The following TMC5 variants were observed in gnomAD, a reference collection of about 807,000 sequenced individuals.
The protein encoded by TMC5 is transmembrane channel like 5.
A neutral mutation model predicts 110.5 loss-of-function variants in TMC5; 86 were observed. The ratio of observed to expected loss-of-function variants is 0.78; its 90% CI spans 0.65 to 0.93. The LOEUF is 0.93. Among genes scored for constraint, TMC5 ranks in the 40% least tolerant of loss-of-function variants. The probability of loss-of-function intolerance (pLI) is 0.00; values close to 1 mark genes in which losing one functional copy is unlikely to be tolerated. For missense variants in TMC5, 1,144 were observed against 1,222.8 expected, an observed-to-expected ratio of 0.94 and a Z score of 0.96; for synonymous variants, 455 against 439.5, an observed-to-expected ratio of 1.04 and a Z score of -0.44.
At chr16:19,446,158 A>C (rs1009657759) in intron 4 of TMC5, among the ~76,000 whole-genome samples, 2 of 151,680 alleles carry the variant, frequency 1.3e-5, no homozygotes, top group Non-Finnish European at 2.9e-5. Flanking sequence ...AGAAAAGAGA[A>C]TATTCCTTTG....
chr16:19,456,717 A>T, intron 5 of TMC5: 1 of 1,608,650 alleles, frequency 6.2e-7, no homozygotes, highest in Admixed American at 1.7e-5. Flanking sequence ...ATGCTGTCCG[A>T]TGACCACGTG....
At chr16:19,439,724 C>T (rs564221408) in intron 2 of TMC5, among the ~76,000 whole-genome samples, 136 of 152,294 alleles carry the variant, frequency 8.9e-4, no homozygotes, top group African/African-American at 3.2e-3. Flanking sequence ...GAGAAATAAC[C>T]TCTTTCCTCT....
rs777411820 is a variant in TMC5 at position 19,464,015 on chromosome 16, C to T, written c.1476C>T (p.Phe492=). 6.8e-6 allele frequency: 11 copies of T among 1,613,950 alleles called. No homozygotes were observed. The South Asian group carries it at 1.2e-4, about 18-fold the overall frequency. The change falls in exon 8 of 22, where the codon TTC becomes TTT. Residue 492 remains phenylalanine (F), a synonymous_variant. Transcript: ENST00000542583. ...TCCAGTTCACTGGGCTGGAGTTTTT[C>T]ACTGGGGTGGTAAGTCCTCCACTTC... ...NTLQFTGLEF[F]TGVGYFRDTV...
chr16:19,477,679 T>C (rs989255051), intron 13 of TMC5, among the ~76,000 whole-genome samples, 161 bp downstream of exon 13: 1 of 152,116 alleles, frequency 6.6e-6, no homozygotes, highest in Non-Finnish European at 1.5e-5. Flanking sequence ...GCAAAATGGG[T>C]CTCAACAAAA....
intron 2 of TMC5, among the ~76,000 whole-genome samples, chr16:19,434,280 A>ATC (rs1967276478): frequency 1.6e-5 from 2 of 123,146 alleles, no homozygotes; most frequent in African/African-American, 3.2e-5. Flanking sequence ...ATATAGATCT[A>ATC]TATATAATAT....
Position 19,477,420 on chromosome 16 carries a change from A to C in TMC5, c.2091-20A>C. The C allele has an allele frequency of 6.4e-7, 1 of 1,562,700 alleles. No homozygotes were observed. The highest frequency in any genetic ancestry group is 8.8e-7 in the Non-Finnish European group (1 of 1,133,532). On this transcript the variant is annotated intron_variant, in intron 12 of 21. Transcript: ENST00000542583. ...AGACTGCCATTGAAGGTAATCATAA[A>C]TGTTGTCTCTTCTGTTTAGAAACAT...
At chr16:19,496,213 C>T (rs1164081177) in intron 20 of TMC5, among the ~76,000 whole-genome samples, 3 of 151,478 alleles carry the variant, frequency 2.0e-5, no homozygotes, top group African/African-American at 7.3e-5. Context: ...CCACAAAGCA[C>T]GTACATGACA....
At chr16:19,480,672 G>A (rs11864410) in intron 14 of TMC5, among the ~76,000 whole-genome samples, 17,607 of 151,978 alleles carry the variant, frequency 0.12, 1,357 homozygotes, top group East Asian at 0.37. Context: ...GAGCATGGTG[G>A]TGTGTGCCTA....
In TMC5 at chr16:19,440,863, T is replaced by A. The variant is rs1354459409; in HGVS notation, c.788+37T>A. The A allele has an allele frequency of 3.2e-6, 5 of 1,570,984 alleles. No individual in the cohort carries two copies. In the South Asian group the frequency reaches 4.7e-5, roughly 15 times the overall value. On this transcript the variant is annotated intron_variant, in intron 3 of 21. Coordinates refer to ENST00000542583, the MANE Select transcript of TMC5 (RefSeq NM_001261841.2). The stretch of plus-strand genomic sequence containing the variant: ...TATATATCCCTTCACTGGGAGTGGA[T>A]GCTGAGTGCTGAATCATTAAGTCAA...
Position 19,474,283 on chromosome 16 carries a change from G to A in TMC5, c.2090+7G>A, listed in dbSNP as rs1317316085. 1 of 1,613,230 alleles carries A rather than the reference G, an allele frequency of 6.2e-7. No homozygotes were observed. The highest frequency in any genetic ancestry group is 1.7e-5 in the Admixed American group (1 of 59,910). The stretch of plus-strand genomic sequence containing the variant: ...TCTACGTTCTCCTGATCCGGTAGGT[G>A]ATGTGTCGCGCCCAACACCAGCCTC... On this transcript the variant is annotated splice_region_variant and intron_variant, in intron 12 of 21. Coordinates refer to ENST00000542583, the MANE Select transcript of TMC5 (RefSeq NM_001261841.2).
At chr16:19,492,915 G>GATAGATAGATAGATATAT (rs58561457) in intron 19 of TMC5, among the ~76,000 whole-genome samples, 7 of 42,752 alleles carry the variant, frequency 1.6e-4, no homozygotes, top group African/African-American at 3.8e-4. Flanking sequence ...TTAAAACTTA[G>GATAGATAGATAGATATAT]ATATATATAT....
At chr16:19,474,017 C>A in intron 11 of TMC5, 108 bp from the exon 12 acceptor site, 1 of 1,047,256 alleles carries the variant, frequency 9.5e-7, no homozygotes, top group Non-Finnish European at 1.4e-6. Context: ...AATAGTTAAC[C>A]GCAGAGGAGC....
Position 19,449,565 on chromosome 16 carries a change from A to G in TMC5, c.982A>G (p.Ser328Gly). ...AGTGAACCCTGCTTATGTAGGTGAA[A>G]GTGGTCCTGTCCATGCTTATGGAAA... ...GYVNPAYVGE[S>G]GPVHAYGNPP... Residue 328 changes from serine to glycine, a missense_variant, in exon 5 of 22, where the codon AGT (serine) becomes GGT (glycine). Transcript: ENST00000542583. 6.2e-7 allele frequency: 1 copy of G among 1,614,080 alleles called. No homozygotes were observed. The highest frequency in any genetic ancestry group is 1.1e-5 in the South Asian group (1 of 91,070).
intron 15 of TMC5, among the ~76,000 whole-genome samples, chr16:19,484,012 G>T (rs1458921125): frequency 2.0e-5 from 3 of 151,338 alleles, no homozygotes; most frequent in Non-Finnish European, 4.4e-5. Context: ...AACCCGGGAG[G>T]TGGAGGCTGC....
chr16:19,486,082 T>G (rs1050314831), intron 15 of TMC5, among the ~76,000 whole-genome samples: 1 of 152,200 alleles, frequency 6.6e-6, no homozygotes, highest in Non-Finnish European at 1.5e-5. Flanking sequence ...CTGAGGATAC[T>G]GGGTATGGTG....
chr16:19,465,724 A>G (rs989998831), intron 8 of TMC5, among the ~76,000 whole-genome samples: 5 of 152,136 alleles, frequency 3.3e-5, no homozygotes, highest in African/African-American at 1.2e-4. Context: ...ATGTAGGCCT[A>G]TAGGCTTGAT....
intron 17 of TMC5, among the ~76,000 whole-genome samples, chr16:19,488,750 C>T (rs1349311895): frequency 6.6e-6 from 1 of 152,192 alleles, no homozygotes; most frequent in East Asian, 1.9e-4. Flanking sequence ...TTCCTTCATT[C>T]TATCATTCAT....
At chr16:19,477,327 C>A in intron 12 of TMC5, 113 bp from the exon 13 acceptor site, 2 of 783,330 alleles carry the variant, frequency 2.6e-6, no homozygotes, top group Non-Finnish European at 4.4e-6. Context: ...TGCCCCCCTC[C>A]AACCACAGGG....
chr16:19,470,596 A>C (rs1432787739), intron 10 of TMC5, among the ~76,000 whole-genome samples: 1 of 151,922 alleles, frequency 6.6e-6, no homozygotes, highest in Non-Finnish European at 1.5e-5. Context: ...CTAGTGGGTA[A>C]GAGGCCAGTG....
Sources: gnomAD v4.1 joint callset for allele counts (sites outside exome capture counted in the v4.1 genomes callset) on GRCh38, gnomAD v4.1.1 for gene constraint, MANE v1.5 for transcripts, NCBI Gene and HGNC (gene_info 2026-07-23, HGNC 2026-07-21) for gene names.